Variants in ME3 observed in about 807,000 individuals in gnomAD.
ME3 encodes the protein NADP-dependent malic enzyme, mitochondrial.
In ME3, 48 loss-of-function variants were observed where a neutral mutation model predicts 68.9. That is an observed-to-expected ratio of 0.70 (90% CI 0.55 to 0.89). The LOEUF (loss-of-function observed/expected upper bound fraction) is 0.89, where lower values mean the gene tolerates loss of function less well. ME3 is among the 40% of genes least tolerant of loss of function. The pLI, the probability that ME3 is intolerant of heterozygous loss-of-function variation, is 0.00. For synonymous variants in ME3, 320 were observed against 318.8 expected (o/e 1.00, Z -0.04); for missense variants, 675 against 797.4 (o/e 0.85, Z 1.85).
At chr11:86,554,182 T>G (rs1420231929) in intron 4 of ME3, among the ~76,000 whole-genome samples, 2 of 152,208 alleles carry the variant, frequency 1.3e-5, no homozygotes, top group East Asian at 3.8e-4. Context: ...CTTCTACTAG[T>G]TCATCTGGAA....
chr11:86,461,422 TC>T (rs1024037754), intron 8 of ME3, among the ~76,000 whole-genome samples: 1 of 152,088 alleles, frequency 6.6e-6, no homozygotes, highest in African/African-American at 2.4e-5. Context: ...ACAGTTTGGG[TC>T]CCCTGGAAGA....
intron 2 of ME3, among the ~76,000 whole-genome samples, chr11:86,664,561 C>G (rs1946476943): frequency 1.3e-5 from 2 of 152,116 alleles, no homozygotes; most frequent in Non-Finnish European, 2.9e-5. Context: ...TCCATATTTC[C>G]TTGATTTTCA....
chr11:86,607,452 G>GTT (rs146485846), intron 2 of ME3, among the ~76,000 whole-genome samples: 7,498 of 133,408 alleles, frequency 0.056, 298 homozygotes, highest in Non-Finnish European at 0.082. Flanking sequence ...GAGAGGCATA[G>GTT]TTTTTTTTTT....
At chr11:86,559,901 A>G (rs1194561314) in intron 2 of ME3, 78 bp from the exon 3 acceptor site, 1 of 1,499,326 alleles carries the variant, frequency 6.7e-7, no homozygotes, top group African/African-American at 1.4e-5. Context: ...TCCCACCCAC[A>G]GATAGGTAAA....
chr11:86,484,868 T>G (rs1951600922), intron 7 of ME3, among the ~76,000 whole-genome samples: 3 of 152,244 alleles, frequency 2.0e-5, no homozygotes, highest in Admixed American at 2.0e-4. Flanking sequence ...TTGGCCTCTC[T>G]GAGTCTCAGT....
At chr11:86,600,373 G>A (rs552059056) in intron 2 of ME3, among the ~76,000 whole-genome samples, 75 of 151,930 alleles carry the variant, frequency 4.9e-4, no homozygotes, top group African/African-American at 1.2e-3. Flanking sequence ...ACATAATGGT[G>A]AAGGGATCAA....
intron 2 of ME3, among the ~76,000 whole-genome samples, chr11:86,665,240 C>A (rs1316084847): frequency 2.6e-5 from 4 of 152,096 alleles, no homozygotes; most frequent in Non-Finnish European, 5.9e-5. Flanking sequence ...ACTAAGTAAG[C>A]AGTTAGATAG....
intron 4 of ME3, among the ~76,000 whole-genome samples, chr11:86,549,470 T>A (rs919369392): frequency 1.3e-5 from 2 of 152,258 alleles, no homozygotes; most frequent in Non-Finnish European, 2.9e-5. Context: ...TTTGCCTTAA[T>A]TTTTCTTCCC....
chr11:86,445,024 A>G lies in ME3; in HGVS notation c.1554+1290T>C, dbSNP rs534325652. ...TGGAGGTAGTGGGGCAGATGTGTGG[A>G]TGTCCCATGGTATTATATAGGCAGG... On this transcript the variant is annotated intron_variant, in intron 13 of 14. Transcript: ENST00000543262. Among the ~76,000 whole-genome samples the G allele has an allele frequency of 4.6e-5, 7 of 152,272 alleles. No individual in the cohort carries two copies. The East Asian group carries it at 1.4e-3, about 29-fold the overall frequency.
chr11:86,654,680 C>G (rs1297808674), intron 2 of ME3, among the ~76,000 whole-genome samples: 2 of 152,206 alleles, frequency 1.3e-5, no homozygotes, highest in African/African-American at 4.8e-5. Context: ...CCTTTGAAAA[C>G]TGGCACAAGA....
intron 2 of ME3, among the ~76,000 whole-genome samples, chr11:86,614,380 C>G (rs1349298116): frequency 1.3e-5 from 2 of 152,190 alleles, no homozygotes; most frequent in African/African-American, 4.8e-5. Context: ...AAAACGTCCA[C>G]TCTTGAATTG....
intron 4 of ME3, among the ~76,000 whole-genome samples, chr11:86,533,178 G>A (rs773978932): frequency 6.6e-6 from 1 of 151,824 alleles, no homozygotes; most frequent in Admixed American, 6.6e-5. Context: ...AGTAAATAAA[G>A]ACTAGAAAAA....
chr11:86,483,571 AACAAAATGGAGAGACT>A (rs1261447206), intron 7 of ME3, among the ~76,000 whole-genome samples: 1 of 152,080 alleles, frequency 6.6e-6, no homozygotes, highest in Non-Finnish European at 1.5e-5. Flanking sequence ...GCACAGAGAC[AACAAAATGGAGAGACT>A]AAAAAAAAAA....
At chr11:86,490,776 G>A (rs1291535455) in intron 6 of ME3, among the ~76,000 whole-genome samples, 4 of 152,130 alleles carry the variant, frequency 2.6e-5, no homozygotes, top group Non-Finnish European at 5.9e-5. Flanking sequence ...AAGGGTCCAT[G>A]GTGAGTTATA....
chr11:86,444,609 A>T (rs184236297), intron 13 of ME3, among the ~76,000 whole-genome samples: 1 of 152,204 alleles, frequency 6.6e-6, no homozygotes, highest in African/African-American at 2.4e-5. Context: ...GGCACTGGCA[A>T]TGCTCTTCAG....
At chr11:86,462,262 A>G (rs1950258710) in intron 8 of ME3, among the ~76,000 whole-genome samples, 1 of 152,206 alleles carries the variant, frequency 6.6e-6, no homozygotes, top group African/African-American at 2.4e-5. Flanking sequence ...CTCACAGATG[A>G]ACTGTGTAGC....
intron 3 of ME3, among the ~76,000 whole-genome samples, chr11:86,558,181 T>A (rs931229138): frequency 6.6e-6 from 1 of 152,210 alleles, no homozygotes; most frequent in African/African-American, 2.4e-5. Context: ...TGAATTTAAC[T>A]TTTAGAGCTT....
chr11:86,497,846 T>C, intron 6 of ME3, 117 bp downstream of exon 6: 1 of 1,203,100 alleles, frequency 8.3e-7, no homozygotes, highest in Admixed American at 2.4e-5. Flanking sequence ...GTCGGGAGGA[T>C]GCCAAGAAAG....
intron 4 of ME3, 81 bp downstream of exon 4, chr11:86,556,472 C>T: frequency 1.3e-6 from 2 of 1,498,088 alleles, no homozygotes; most frequent in Non-Finnish European, 9.0e-7. Context: ...TCCAGAGTCC[C>T]AATATGCATG....
Sources: gnomAD v4.1 joint callset for allele counts (sites outside exome capture counted in the v4.1 genomes callset) on GRCh38, gnomAD v4.1.1 for gene constraint, MANE v1.5 for transcripts, NCBI Gene and HGNC (gene_info 2026-07-23, HGNC 2026-07-21) for gene names.